The following HERC1 variants were observed in gnomAD, a reference collection of about 807,000 sequenced individuals.
HERC1 encodes probable E3 ubiquitin-protein ligase HERC1.
Under a neutral mutation model 554.3 loss-of-function variants are expected in HERC1, and 160 were observed. That is an observed-to-expected ratio of 0.29 (90% CI 0.25 to 0.33). The LOEUF (loss-of-function observed/expected upper bound fraction) is 0.33. Ranked by LOEUF, HERC1 falls within the 10% of genes least tolerant of loss-of-function variation. The pLI, the probability that HERC1 is intolerant of heterozygous loss-of-function variation, is 1.00. For missense variants in HERC1, 4,919 were observed against 5,918.5 expected (o/e 0.83, Z 5.54); for synonymous variants, 2,175 against 2,131.7 (o/e 1.02, Z -0.56).
intron 3 of HERC1, among the ~76,000 whole-genome samples, chr15:63,763,428 C>T (rs1338029485): frequency 6.6e-6 from 1 of 152,034 alleles, no homozygotes; most frequent in Non-Finnish European, 1.5e-5. Flanking sequence ...GATAAAGAAA[C>T]ATAAGGAACT....
At chr15:63,741,256 T>C (rs912718594) in intron 12 of HERC1, among the ~76,000 whole-genome samples, 5 of 151,982 alleles carry the variant, frequency 3.3e-5, no homozygotes, top group African/African-American at 9.7e-5. Context: ...CTCGAACTCC[T>C]GACCTCGTGA....
At chr15:63,624,082 G>C (rs2068199807) in intron 72 of HERC1, 76 bp downstream of exon 72, 2 of 1,404,050 alleles carry the variant, frequency 1.4e-6, no homozygotes, top group Non-Finnish European at 2.0e-6. Flanking sequence ...AGGAAACCAA[G>C]ACTCACAGAA....
rs748484608 is a variant in HERC1 at position 63,680,153 on chromosome 15, T to C, written c.6473A>G (p.Lys2158Arg). The C allele has an allele frequency of 1.2e-5, 20 of 1,612,900 alleles. No homozygotes were observed. The highest frequency in any genetic ancestry group is 1.1e-4 in the African/African-American group (8 of 74,900). ...TGCATCCACATCTTCAAAAGCTAAT[T>C]TGGGTTCCTACAGTGTGGCAGCAGT... ...ISFGKNGEEP[K>R]LAFEDVDAAE... is the part of the protein sequence containing the mutation. The change falls in exon 36 of 78, where the codon AAA (lysine) becomes AGA (arginine). Residue 2158 changes from lysine (K) to arginine (R), a missense_variant. Physicochemically the swap from Lys to Arg is conservative, Grantham distance 26. Coordinates refer to ENST00000443617, the MANE Select transcript of HERC1 (RefSeq NM_003922.4). The surrounding 1 kb of genome is among the most constrained non-coding windows in gnomAD (Gnocchi z 5.8).
intron 55 of HERC1, among the ~76,000 whole-genome samples, chr15:63,647,370 G>A (rs772219276): frequency 2.6e-5 from 4 of 151,884 alleles, no homozygotes; most frequent in Non-Finnish European, 5.9e-5. Flanking sequence ...CAAGAAAGTG[G>A]TGAAAAGGGA....
chr15:63,672,707 A>C lies in HERC1; in HGVS notation c.7847-13T>G. 1 of 1,557,008 alleles carries C rather than the reference A, an allele frequency of 6.4e-7. No individual in the cohort carries two copies. The highest frequency in any genetic ancestry group is 1.7e-4 in the Middle Eastern group (1 of 5,810). On this transcript the variant is annotated splice_polypyrimidine_tract_variant and intron_variant, in intron 38 of 77. Transcript: ENST00000443617. ...TGTTGATCAATCTCTAGAAACCAAA[A>C]AAAAGGTTAAGAAAGTAGTAAGGAT...
Position 63,634,908 on chromosome 15 carries a change from A to G in HERC1, c.12415-20T>C, listed in dbSNP as rs1468649458. The G allele has an allele frequency of 1.3e-6, 2 of 1,554,056 alleles. No homozygotes were observed. The highest frequency in any genetic ancestry group is 1.4e-5 in the African/African-American group (1 of 72,180). ...AGACATCTAAGACAGAACCAAGGAGAAAGAAAATTTTTAAGAAGGGAAACT... is the reference window on the plus strand; with the variant it reads ...AGACATCTAAGACAGAACCAAGGAGGAAGAAAATTTTTAAGAAGGGAAACT... On this transcript the variant is annotated intron_variant, in intron 65 of 77. Transcript: ENST00000443617.
intron 53 of HERC1, 27 bp downstream of exon 53, chr15:63,651,226 G>C: frequency 6.2e-7 from 1 of 1,610,198 alleles, no homozygotes; most frequent in Non-Finnish European, 8.5e-7. Context: ...ACTTTCAGCA[G>C]TTTACTAGTG....
chr15:63,747,685 C>T (rs887151025), intron 11 of HERC1, 39 bp downstream of exon 11: 15 of 1,298,632 alleles, frequency 1.2e-5, no homozygotes, highest in Non-Finnish European at 1.6e-5. Context: ...CGCGCGCGCA[C>T]ACACACACAC....
At chr15:63,630,657 C>T (rs1595857109) in intron 68 of HERC1, 22 bp from the exon 69 acceptor site, 7 of 1,604,108 alleles carry the variant, frequency 4.4e-6, no homozygotes, top group Non-Finnish European at 6.0e-6. Context: ...AAAACAAAAA[C>T]ATGTGGAAAT....
In HERC1 at chr15:63,664,722, G is replaced by C. The variant is rs1162659449; in HGVS notation, c.8556-128C>G. The C allele has an allele frequency of 1.0e-5, 8 of 774,322 alleles. No homozygotes were observed. In the African/African-American group the frequency reaches 1.4e-4, roughly 14 times the overall value. The allele number at this position is 774,322 out of a possible 1,614,324, so 48.0% of individuals were successfully genotyped here. A position where few individuals can be genotyped will look rare whatever the true frequency, so the allele number is the denominator to read the frequency against. On this transcript the variant is annotated intron_variant, in intron 42 of 77. Transcript: ENST00000443617. ...ATAAAATATGTTTATGATAAAATTT[G>C]AAACACATCTTTATCCCTTGAACAG...
rs550003106 is a variant in HERC1, at chr15:63,675,068, G to A, written c.7120C>T (p.Pro2374Ser). 2 of 1,613,484 alleles carry A rather than the reference G, an allele frequency of 1.2e-6. No individual in the cohort carries two copies. The highest frequency in any genetic ancestry group is 1.7e-6 in the Non-Finnish European group (2 of 1,179,656). Residue 2374 changes from proline to serine, a missense_variant, in exon 38 of 78, where the codon CCC becomes TCC. Pro to Ser is a moderately conservative substitution (Grantham distance 74). Transcript: ENST00000443617. ...ACATCAAACGGCAATGGTTCACAGGGTTCCAGATTATACAATGGAGTATCA... is the reference window on the plus strand; with the variant it reads ...ACATCAAACGGCAATGGTTCACAGGATTCCAGATTATACAATGGAGTATCA... ...PSDTPLYNLE[P>S]CEPLPFDVAR... is the part of the protein sequence containing the mutation.
chr15:63,684,735 C>T (rs574761132), intron 34 of HERC1, among the ~76,000 whole-genome samples: 53 of 152,066 alleles, frequency 3.5e-4, no homozygotes, highest in Non-Finnish European at 5.9e-4. Context: ...GGGCCAGGCG[C>T]GGTGGCTCAC....
At position 63,640,248 on chromosome 15, in the gene HERC1, T is replaced by C; in HGVS notation, c.11805A>G (p.Lys3935=). Residue 3935 remains lysine (K), a synonymous_variant, in exon 61 of 78, where the codon AAA becomes AAG. Coordinates refer to ENST00000443617, the MANE Select transcript of HERC1 (RefSeq NM_003922.4). The part of the protein sequence containing the change: ...AWLECFSTTI[K]AAEALTNGAQ... ...CTCCATTGGTCAGGGCTTCGGCAGC[T>C]TTTATAGTGGTTGAGAAACATTCTA... The C allele has an allele frequency of 2.5e-6, 4 of 1,613,924 alleles. No homozygotes were observed. The highest frequency in any genetic ancestry group is 3.4e-6 in the Non-Finnish European group (4 of 1,179,830).
At chr15:63,726,940 T>C (rs1216542835) in intron 17 of HERC1, among the ~76,000 whole-genome samples, 1 of 152,174 alleles carries the variant, frequency 6.6e-6, no homozygotes, top group East Asian at 1.9e-4. Context: ...GACACCTTAC[T>C]CACCTGATAG....
In HERC1 at chr15:63,694,078, A is replaced by G. The variant is rs745476424; in HGVS notation, c.5560T>C (p.Ser1854Pro). ...LLCSQLKNLL[S>P]QTGVLHMASF... is the part of the protein sequence containing the mutation. The stretch of plus-strand genomic sequence containing the variant: ...GCCATATGTAGTACACCAGTTTGGG[A>G]CAATAAATTCTTCAACTGACTACAG... Residue 1854 changes from serine (S) to proline (P), a missense_variant, in exon 30 of 78, where the codon TCC becomes CCC. Physicochemically the swap from Ser to Pro is moderately conservative, Grantham distance 74 (BLOSUM62 -1). Transcript: ENST00000443617. This position sits in a 1 kb window ranked among gnomAD's most constrained non-coding sequence, Gnocchi z 4.3. The G allele has an allele frequency of 6.2e-7, 1 of 1,610,134 alleles. No homozygotes were observed. The highest frequency in any genetic ancestry group is 8.5e-7 in the Non-Finnish European group (1 of 1,178,092).
chr15:63,811,788 G>A (rs1370877768), intron 1 of HERC1, among the ~76,000 whole-genome samples: 3 of 133,076 alleles, frequency 2.3e-5, no homozygotes, highest in Admixed American at 1.7e-4. Flanking sequence ...CAGCCTGGGC[G>A]ACTCAGTGAG....
intron 1 of HERC1, among the ~76,000 whole-genome samples, chr15:63,791,241 A>G (rs968631016): frequency 3.3e-5 from 5 of 152,188 alleles, no homozygotes; most frequent in Admixed American, 6.5e-5. Flanking sequence ...TTATTGGAAT[A>G]TTTGCATTGT....
chr15:63,749,221 T>C lies in HERC1; in HGVS notation c.2219+146A>G. On this transcript the variant is annotated intron_variant, in intron 10 of 77. Coordinates refer to ENST00000443617, the MANE Select transcript of HERC1 (RefSeq NM_003922.4). The surrounding 1 kb of genome is among the most constrained non-coding windows in gnomAD (Gnocchi z 4.1). ...ATAAAAAGAAATCTAATGTCATTTC[T>C]ATGATAGAGAAAAAGCAATACTATA... 3 of 605,178 alleles carry C rather than the reference T, an allele frequency of 5.0e-6. No homozygotes were observed. The highest frequency in any genetic ancestry group is 5.4e-6 in the Non-Finnish European group (2 of 368,564). 37.5% of individuals were successfully genotyped at this position (605,178 alleles called of 1,614,324 possible).
chr15:63,665,901 CA>C lies in HERC1; in HGVS notation c.8555+17del. 1.3e-6 allele frequency: 2 copies of C among 1,587,008 alleles called. No individual in the cohort carries two copies. Among genetic ancestry groups the C allele is most frequent in the Non-Finnish European group, 8.6e-7 (1 of 1,157,806 alleles). ...ATTTATAACACATGGAACAAAAGTA[CA>C]GAAACTGGAATTTCACCTTTCACTA... On this transcript the variant is annotated intron_variant, in intron 42 of 77. Coordinates refer to ENST00000443617, the MANE Select transcript of HERC1 (RefSeq NM_003922.4).
Sources: gnomAD v4.1 joint callset for allele counts (sites outside exome capture counted in the v4.1 genomes callset) on GRCh38, gnomAD v4.1.1 for gene constraint, Gnocchi (gnomAD v3.1) non-coding constraint, MANE v1.5 for transcripts, NCBI Gene and HGNC (gene_info 2026-07-23, HGNC 2026-07-21) for gene names.